ABCB1: variants seen among roughly 807,000 people sequenced by gnomAD.
ABCB1 encodes the protein ATP-dependent translocase ABCB1.
In ABCB1, 69 loss-of-function variants were observed where a neutral mutation model predicts 142.0. The ratio of observed to expected loss-of-function variants is 0.49; its 90% CI spans 0.40 to 0.59. The LOEUF (loss-of-function observed/expected upper bound fraction) is 0.59. ABCB1 is among the 20% of genes least tolerant of loss of function. ABCB1 has a pLI of 0.00. For synonymous variants in ABCB1, 532 were observed against 539.2 expected, an observed-to-expected ratio of 0.99 and a Z score of 0.18; for missense variants, 1,326 against 1,554.7, an observed-to-expected ratio of 0.85 and a Z score of 2.47.
At chr7:87,702,173 CA>C (rs969791031) in intron 1 of ABCB1, among the ~76,000 whole-genome samples, 1 of 71,136 alleles carries the variant, frequency 1.4e-5, no homozygotes, top group Non-Finnish European at 2.9e-5. Flanking sequence ...AAAAAAAAAA[CA>C]GAGATACTTT....
intron 21 of ABCB1, among the ~76,000 whole-genome samples, chr7:87,526,092 T>TAATATTATGTGGACTGGTTGGTGCAGA (rs1815771728): frequency 6.6e-6 from 1 of 152,194 alleles, no homozygotes; most frequent in Non-Finnish European, 1.5e-5. Context: ...CTTCTGTTAA[T>TAATATTATGTGGACTGGTTGGTGCAGA]TCCTCTGGTG....
intron 3 of ABCB1, among the ~76,000 whole-genome samples, chr7:87,593,203 A>G (rs1819066264): frequency 6.6e-6 from 1 of 152,224 alleles, no homozygotes; most frequent in South Asian, 2.1e-4. Flanking sequence ...CTGGGATTAC[A>G]GGCGTGAGCC....
chr7:87,694,854 A>G (rs970162168), intron 1 of ABCB1, among the ~76,000 whole-genome samples: 5 of 152,116 alleles, frequency 3.3e-5, no homozygotes, highest in African/African-American at 4.8e-5. Flanking sequence ...TTTTTGCTGA[A>G]CCTGTTCATC....
intron 1 of ABCB1, among the ~76,000 whole-genome samples, chr7:87,648,873 T>A (rs1823290344): frequency 6.6e-6 from 1 of 152,122 alleles, no homozygotes. Context: ...ACTGCCTATA[T>A]TTAAAATCTT....
intron 1 of ABCB1, among the ~76,000 whole-genome samples, chr7:87,645,179 T>G (rs1417015358): frequency 6.6e-6 from 1 of 150,660 alleles, no homozygotes; most frequent in Non-Finnish European, 1.5e-5. Flanking sequence ...ACCTCCTGGG[T>G]TCAAGCGATT....
intron 20 of ABCB1, among the ~76,000 whole-genome samples, chr7:87,532,641 A>G (rs1485538786): frequency 6.6e-6 from 1 of 152,206 alleles, no homozygotes; most frequent in African/African-American, 2.4e-5. Context: ...CCCTTTTCCT[A>G]GGAAACTCAT....
chr7:87,682,413 A>G (rs1827016186), intron 1 of ABCB1, among the ~76,000 whole-genome samples: 1 of 152,194 alleles, frequency 6.6e-6, no homozygotes, highest in South Asian at 2.1e-4. Context: ...ATCCATCAGA[A>G]GACTCATTGT....
intron 3 of ABCB1, among the ~76,000 whole-genome samples, chr7:87,592,425 A>G (rs1447631327): frequency 6.6e-6 from 1 of 152,228 alleles, no homozygotes; most frequent in Non-Finnish European, 1.5e-5. Flanking sequence ...TATCCATATA[A>G]CCATAAAAGT....
intron 1 of ABCB1, among the ~76,000 whole-genome samples, chr7:87,610,235 T>TC (rs1351899911): frequency 5.3e-5 from 7 of 133,316 alleles, no homozygotes; most frequent in Admixed American, 4.3e-4. Context: ...TTTCTTTCTT[T>TC]TTTTTTTTTT....
At chr7:87,696,532 A>G (rs1448451146) in intron 1 of ABCB1, among the ~76,000 whole-genome samples, 1 of 152,198 alleles carries the variant, frequency 6.6e-6, no homozygotes, top group Non-Finnish European at 1.5e-5. Context: ...ATGAAATCCT[A>G]GGATATACAG....
In ABCB1 at chr7:87,566,011, G is replaced by T. The variant is rs1396426595; in HGVS notation, c.702+59C>A. On this transcript the variant is annotated intron_variant, in intron 7 of 27. Coordinates refer to ENST00000622132, the MANE Select transcript of ABCB1 (RefSeq NM_001348946.2). ...ATGTAGTAAAAAGACCTTTCCGTAG[G>T]GTGAGAGCAGGAAGGGAGAAGGTGC... 5.1e-6 allele frequency: 8 copies of T among 1,572,468 alleles called. No homozygotes were observed. The Admixed American group carries it at 1.3e-4, about 26-fold the overall frequency.
chr7:87,626,407 G>GTGTCATATATA (rs1820545196), intron 1 of ABCB1, among the ~76,000 whole-genome samples: 1 of 23,128 alleles, frequency 4.3e-5, no homozygotes, highest in African/African-American at 6.2e-4. Flanking sequence ...TCATATGTAT[G>GTGTCATATATA]TGTCATATAT....
intron 8 of ABCB1, among the ~76,000 whole-genome samples, chr7:87,558,811 T>A (rs1427783341): frequency 6.6e-6 from 1 of 152,026 alleles, no homozygotes; most frequent in Non-Finnish European, 1.5e-5. Context: ...AATTCATGCT[T>A]TTCCCCTTAC....
intron 25 of ABCB1, among the ~76,000 whole-genome samples, chr7:87,510,570 C>A (rs1350592448): frequency 6.6e-6 from 1 of 152,248 alleles, no homozygotes; most frequent in East Asian, 1.9e-4. Context: ...GAAGAAGGCA[C>A]CAGTGACTCA....
At chr7:87,678,343 G>C (rs1472272623) in intron 1 of ABCB1, among the ~76,000 whole-genome samples, 2 of 152,130 alleles carry the variant, frequency 1.3e-5, no homozygotes, top group South Asian at 4.1e-4. Flanking sequence ...TTAAAGCAAA[G>C]GCTACAGAGT....
intron 1 of ABCB1, among the ~76,000 whole-genome samples, chr7:87,703,885 CTTTTTTTTTTTTTTTT>C: frequency 5.0e-5 from 3 of 60,282 alleles, no homozygotes; most frequent in Non-Finnish European, 6.3e-5. Flanking sequence ...TCAGTTTTTT[CTTTTTTTTTTTTTTTT>C]TTTTTTTTTT....
At chr7:87,541,225 A>C in intron 18 of ABCB1, 132 bp downstream of exon 18, 1 of 667,626 alleles carries the variant, frequency 1.5e-6, no homozygotes, top group East Asian at 2.8e-5. Context: ...ATGTCAGAAA[A>C]ACTTGGCTGT....
chr7:87,550,767 A>G lies in ABCB1; in HGVS notation c.1071T>C (p.Asn357=). Residue 357 remains asparagine, a synonymous_variant, in exon 10 of 28, where the codon AAT becomes AAC. Transcript: ENST00000622132. ...AGATTTCATAAGCTGCTCCTCTTGC[A>G]TTTGCAAATGCTTCAATGCTTGGAG... The part of the protein sequence containing the change: ...QASPSIEAFA[N]ARGAAYEIFK... The G allele has an allele frequency of 6.2e-7, 1 of 1,614,020 alleles. No homozygotes were observed. The highest frequency in any genetic ancestry group is 8.5e-7 in the Non-Finnish European group (1 of 1,179,902).
At chr7:87,573,891 GATAT>G (rs148628175) in intron 4 of ABCB1, among the ~76,000 whole-genome samples, 1 of 151,374 alleles carries the variant, frequency 6.6e-6, no homozygotes, top group Admixed American at 6.6e-5. Flanking sequence ...AAACCTACAC[GATAT>G]ATATATATAA....
Sources: gnomAD v4.1 joint callset for allele counts (sites outside exome capture counted in the v4.1 genomes callset) on GRCh38, gnomAD v4.1.1 for gene constraint, MANE v1.5 for transcripts, NCBI Gene and HGNC (gene_info 2026-07-23, HGNC 2026-07-21) for gene names.